TNRC18: variants seen among roughly 807,000 people sequenced by gnomAD.
The protein encoded by TNRC18 is trinucleotide repeat-containing gene 18 protein.
In TNRC18, 69 loss-of-function variants were observed where a neutral mutation model predicts 226.7. The ratio of observed to expected loss-of-function variants is 0.30; its 90% confidence interval spans 0.25 to 0.37. The LOEUF (loss-of-function observed/expected upper bound fraction) is 0.37. TNRC18 is among the 10% of genes least tolerant of loss of function. The pLI, the probability that TNRC18 is intolerant of heterozygous loss-of-function variation, is 1.00. For missense variants in TNRC18, 4,754 were observed against 4,256.6 expected, an observed-to-expected ratio of 1.12 and a Z score of -3.25; for synonymous variants, 2,449 against 1,927.6, an observed-to-expected ratio of 1.27 and a Z score of -7.09.
intron 2 of TNRC18, among the ~76,000 whole-genome samples, chr7:5,408,558 A>G (rs1344892685): frequency 6.6e-6 from 1 of 151,448 alleles, no homozygotes; most frequent in African/African-American, 2.4e-5. Context: ...GAATCGCTTG[A>G]ACCTAGGAGG....
chr7:5,346,832 G>T (rs1171567893), intron 17 of TNRC18, among the ~76,000 whole-genome samples: 1 of 152,204 alleles, frequency 6.6e-6, no homozygotes, highest in African/African-American at 2.4e-5. Flanking sequence ...GGAGGAGAAA[G>T]CCATTTGCAA....
chr7:5,331,966 G>A (rs1789568248), intron 19 of TNRC18, among the ~76,000 whole-genome samples: 2 of 152,130 alleles, frequency 1.3e-5, no homozygotes, highest in African/African-American at 4.8e-5. Flanking sequence ...ATTGGCAGAT[G>A]TGTTTATTAA....
intron 17 of TNRC18, among the ~76,000 whole-genome samples, chr7:5,347,400 G>C (rs1489847084): frequency 6.8e-6 from 1 of 147,674 alleles, no homozygotes; most frequent in Non-Finnish European, 1.5e-5. Flanking sequence ...GTTTCACCGT[G>C]TTAGCCAGGA....
At chr7:5,379,647 G>T (rs557850362) in intron 5 of TNRC18, among the ~76,000 whole-genome samples, 1 of 152,212 alleles carries the variant, frequency 6.6e-6, no homozygotes, top group Non-Finnish European at 1.5e-5. Flanking sequence ...CTGCCACCCT[G>T]CCCTGGCCCC....
intron 4 of TNRC18, chr7:5,390,101 C>G: frequency 2.7e-6 from 1 of 375,298 alleles, no homozygotes; most frequent in Non-Finnish European, 4.7e-6. Context: ...CAATGGCTCA[C>G]ATCTGTAATC....
Position 5,370,883 on chromosome 7 carries a change from T to C in TNRC18, c.3711A>G (p.Glu1237=). 6.2e-7 allele frequency: 1 copy of C among 1,607,318 alleles called. No individual in the cohort carries two copies. The highest frequency in any genetic ancestry group is 1.1e-5 in the South Asian group (1 of 91,084). Residue 1237 remains glutamate, a synonymous_variant, in exon 11 of 30, where the codon GAA becomes GAG. Transcript: ENST00000430969. ...EPRVDSPGRT[E]PCTAALDLGV... ...CCAGGTCCAGGGCGGCGGTGCAGGG[T>C]TCTGTCCGGCCCGGGGAATCCACCC...
At chr7:5,379,756 G>C (rs896378103) in intron 5 of TNRC18, among the ~76,000 whole-genome samples, 1 of 152,250 alleles carries the variant, frequency 6.6e-6, no homozygotes, top group Non-Finnish European at 1.5e-5. Flanking sequence ...GAGGCTACCA[G>C]GTGTGCAGCT....
intron 10 of TNRC18, 122 bp downstream of exon 10, chr7:5,373,933 G>A (rs1203681798): frequency 9.4e-6 from 7 of 743,332 alleles, no homozygotes; most frequent in Non-Finnish European, 1.4e-5. Flanking sequence ...GGCCTGGGAC[G>A]CAGGAGGTGC....
At chr7:5,407,184 G>C (rs900409024) in intron 2 of TNRC18, 2 of 152,416 alleles carry the variant, frequency 1.3e-5, no homozygotes, top group Non-Finnish European at 2.9e-5. Flanking sequence ...TGGGCTATCA[G>C]ACCTGTGGCC....
At chr7:5,339,431 GC>G (rs1790450285) in intron 18 of TNRC18, among the ~76,000 whole-genome samples, 1 of 151,844 alleles carries the variant, frequency 6.6e-6, no homozygotes, top group Non-Finnish European at 1.5e-5. Context: ...GTACAGATGG[GC>G]TTTCACCATG....
At chr7:5,330,950 CAG>C (rs1789466580) in intron 19 of TNRC18, among the ~76,000 whole-genome samples, 1 of 152,160 alleles carries the variant, frequency 6.6e-6, no homozygotes, top group Non-Finnish European at 1.5e-5. Flanking sequence ...GCTGGGATTA[CAG>C]GTGTGTGCCA....
At chr7:5,403,015 G>C (rs1781216709) in intron 2 of TNRC18, among the ~76,000 whole-genome samples, 1 of 151,954 alleles carries the variant, frequency 6.6e-6, no homozygotes, top group African/African-American at 2.4e-5. Context: ...CCCTTTTACA[G>C]ATAAAGAGAC....
chr7:5,395,267 T>C (rs1381515133), intron 2 of TNRC18, among the ~76,000 whole-genome samples: 2 of 151,910 alleles, frequency 1.3e-5, no homozygotes, highest in African/African-American at 4.8e-5. Context: ...GAATCCGTGA[T>C]GAATGGAGCG....
In TNRC18 at chr7:5,313,228, C is replaced by T. The variant is rs972612757; in HGVS notation, c.7663G>A (p.Glu2555Lys). 4.5e-6 allele frequency: 7 copies of T among 1,548,810 alleles called. No individual in the cohort carries two copies. The highest frequency in any genetic ancestry group is 2.4e-5 in the East Asian group (1 of 40,920). The change falls in exon 27 of 30, where the codon GAA becomes AAA. Residue 2555 changes from glutamate (E) to lysine (K), a missense_variant. By Grantham distance (56) the Glu-to-Lys change is moderately conservative (BLOSUM62 1). Coordinates refer to ENST00000430969, the MANE Select transcript of TNRC18 (RefSeq NM_001080495.3). ...CTGCTGCTGCTGCTCTCGGACTCTT[C>T]GGCCCCGTCCTGCTCAGCCTGGGCC... ...DKAQAEQDGAEESESSSSSSS... is the reference protein window; with the variant it reads ...DKAQAEQDGAKESESSSSSSS...
chr7:5,411,439 AC>A, intron 2 of TNRC18, among the ~76,000 whole-genome samples: 1 of 148,114 alleles, frequency 6.8e-6, no homozygotes, highest in Non-Finnish European at 1.5e-5. Flanking sequence ...AATCACCTGA[AC>A]CCGGGAGGCA....
chr7:5,330,401 TG>T (rs1451666535), intron 19 of TNRC18, among the ~76,000 whole-genome samples: 2 of 150,198 alleles, frequency 1.3e-5, no homozygotes, highest in African/African-American at 4.9e-5. Context: ...CCCAGCTAAT[TG>T]TTTTTTTGTT....
Position 5,308,481 on chromosome 7 carries a change from G to C in TNRC18, c.8701-169C>G, listed in dbSNP as rs540861153. ...GAGACAGACCAACAAAAGAGAGACA[G>C]AGACCGAGAGATGGAGAGCAAATGA... On this transcript the variant is annotated intron_variant, in intron 29 of 29. Transcript: ENST00000430969. 2.6e-5 allele frequency among the ~76,000 whole-genome samples: 4 copies of C among 152,212 alleles called. No homozygotes were observed. In the East Asian group the frequency reaches 7.7e-4, roughly 29 times the overall value.
At chr7:5,414,559 C>G (rs975709195) in intron 2 of TNRC18, among the ~76,000 whole-genome samples, 4 of 152,114 alleles carry the variant, frequency 2.6e-5, no homozygotes, top group Admixed American at 2.0e-4. Context: ...ACTGCAGGCA[C>G]CCGCCACCAC....
At chr7:5,390,132 G>C (rs929242069) in intron 4 of TNRC18, 1 of 428,438 alleles carries the variant, frequency 2.3e-6, no homozygotes, top group African/African-American at 2.0e-5. Context: ...GGAAAGCCGA[G>C]GTAGGAGGAT....
Sources: allele counts gnomAD v4.1 joint callset (sites outside exome capture counted in the v4.1 genomes callset), GRCh38; gene constraint gnomAD v4.1.1; transcripts MANE v1.5; gene names NCBI Gene and HGNC (gene_info 2026-07-23, HGNC 2026-07-21).